WDFY2: variants seen among roughly 807,000 people sequenced by gnomAD.
WDFY2 encodes the protein WD repeat and FYVE domain-containing protein 2.
Under a neutral mutation model 56.4 loss-of-function variants are expected in WDFY2, and 36 were observed. The observed-to-expected ratio is 0.64, with a 90% CI of 0.49 to 0.84. The LOEUF is 0.84. Ranked by LOEUF, WDFY2 falls within the 40% of genes least tolerant of loss-of-function variation. The pLI is 0.00. For synonymous variants in WDFY2, 176 were observed against 183.7 expected (o/e 0.96, Z 0.34); for missense variants, 444 against 512.2 (o/e 0.87, Z 1.29).
rs547262539 is a variant in WDFY2, at chr13:51,694,914, C to T, written c.280-8682C>T. 1.4e-3 allele frequency among the ~76,000 whole-genome samples: 215 copies of T among 151,338 alleles called. 1 individual carries two copies. The highest frequency in any genetic ancestry group is 3.8e-3 in the African/African-American group (157 of 40,794). On this transcript the variant is annotated intron_variant, in intron 3 of 11. Transcript: ENST00000298125. Reference sequence around the variant, plus strand: ...TCTTTTTTCTCTAAACTTCCCTTCTCACTTCATTTCATTCATTTGATCTTC... The same window carrying T: ...TCTTTTTTCTCTAAACTTCCCTTCTTACTTCATTTCATTCATTTGATCTTC...
intron 4 of WDFY2, among the ~76,000 whole-genome samples, chr13:51,705,609 T>C (rs892800785): frequency 6.6e-6 from 1 of 151,904 alleles, no homozygotes; most frequent in Non-Finnish European, 1.5e-5. Flanking sequence ...GGGTAGATAG[T>C]AGGTATATAT....
chr13:51,728,341 C>G (rs1337722059), intron 6 of WDFY2, among the ~76,000 whole-genome samples: 2 of 152,168 alleles, frequency 1.3e-5, no homozygotes, highest in Non-Finnish European at 2.9e-5. Flanking sequence ...TTGCTTTGCT[C>G]AGGGTCACTT....
chr13:51,673,227 T>TA (rs1955834229), intron 2 of WDFY2, among the ~76,000 whole-genome samples: 1 of 152,328 alleles, frequency 6.6e-6, no homozygotes, highest in Middle Eastern at 3.4e-3. Flanking sequence ...TGCAGTGTTG[T>TA]AAAAAAGTAT....
intron 2 of WDFY2, among the ~76,000 whole-genome samples, chr13:51,661,071 A>C (rs555825831): frequency 1.3e-5 from 2 of 152,376 alleles, no homozygotes; most frequent in South Asian, 4.1e-4. Context: ...GACATTCAGC[A>C]TTGAGCATTC....
intron 1 of WDFY2, among the ~76,000 whole-genome samples, chr13:51,650,482 G>C (rs1262851073): frequency 1.3e-5 from 2 of 152,170 alleles, no homozygotes; most frequent in Non-Finnish European, 2.9e-5. Flanking sequence ...GGGCATTCCT[G>C]TCTTGTGCAA....
intron 6 of WDFY2, among the ~76,000 whole-genome samples, chr13:51,735,291 A>G (rs562015570): frequency 1.3e-5 from 2 of 152,358 alleles, no homozygotes; most frequent in East Asian, 3.9e-4. Context: ...CACCTCCTGC[A>G]TACCAGTCAC....
chr13:51,657,737 C>A (rs1295881135), intron 1 of WDFY2, among the ~76,000 whole-genome samples: 1 of 152,150 alleles, frequency 6.6e-6, no homozygotes. Context: ...TGCTGTTGAG[C>A]CTCATTATGG....
At chr13:51,681,381 G>A (rs1448504434) in intron 3 of WDFY2, among the ~76,000 whole-genome samples, 3 of 152,104 alleles carry the variant, frequency 2.0e-5, no homozygotes, top group African/African-American at 4.8e-5. Context: ...TTATCATGTG[G>A]GCATAGAAGG....
At chr13:51,735,411 G>A (rs1341591460) in intron 6 of WDFY2, among the ~76,000 whole-genome samples, 3 of 152,154 alleles carry the variant, frequency 2.0e-5, no homozygotes, top group African/African-American at 7.2e-5. Context: ...ATAGAGATAT[G>A]CACAGAGACT....
At chr13:51,604,865 C>T (rs1954355635) in intron 1 of WDFY2, among the ~76,000 whole-genome samples, 1 of 152,112 alleles carries the variant, frequency 6.6e-6, no homozygotes, top group South Asian at 2.1e-4. Flanking sequence ...CAGGAGGGCA[C>T]ATTGAGAAGG....
intron 3 of WDFY2, among the ~76,000 whole-genome samples, chr13:51,694,249 C>T (rs1019830208): frequency 3.9e-5 from 6 of 151,926 alleles, no homozygotes. Flanking sequence ...GTTATTTTGC[C>T]CGTTACTTGA....
intron 3 of WDFY2, among the ~76,000 whole-genome samples, chr13:51,695,381 T>C (rs1014937260): frequency 6.6e-6 from 1 of 152,200 alleles, no homozygotes; most frequent in African/African-American, 2.4e-5. Context: ...CCTTTCTGTT[T>C]GTTAGTTTTC....
intron 4 of WDFY2, among the ~76,000 whole-genome samples, chr13:51,709,108 G>T (rs1200318612): frequency 2.0e-5 from 3 of 152,098 alleles, no homozygotes. Context: ...GAATAAGTAG[G>T]CAGAGAATCA....
chr13:51,734,997 G>C (rs2138675196), intron 6 of WDFY2, among the ~76,000 whole-genome samples: 1 of 152,358 alleles, frequency 6.6e-6, no homozygotes. Flanking sequence ...GGAATGCAGG[G>C]TAGCTGAAGG....
At chr13:51,682,384 C>G (rs1398210219) in intron 3 of WDFY2, among the ~76,000 whole-genome samples, 1 of 152,198 alleles carries the variant, frequency 6.6e-6, no homozygotes, top group African/African-American at 2.4e-5. Context: ...AGCATAAACT[C>G]TGCAAAGCAG....
Position 51,758,259 on chromosome 13 carries a change from A to G in WDFY2, c.1132A>G (p.Arg378Gly), listed in dbSNP as rs916615818. 1 of 1,602,740 alleles carries G rather than the reference A, an allele frequency of 6.2e-7. No homozygotes were observed. The highest frequency in any genetic ancestry group is 1.3e-5 in the African/African-American group (1 of 74,914). ...TGTGCATGTGCATTTCGATGCAACC[A>G]GAGGATGGTTACTGACTTCTGGAAC... is the stretch of plus-strand genomic sequence containing the variant. ...NIVHVHFDAT[R>G]GWLLTSGTDK... The change falls in exon 11 of 12, where the codon AGA (arginine) becomes GGA (glycine). Residue 378 changes from arginine (R) to glycine (G), a missense_variant. Physicochemically the swap from Arg to Gly is moderately radical, Grantham distance 125. Coordinates refer to ENST00000298125, the MANE Select transcript of WDFY2 (RefSeq NM_052950.4).
chr13:51,626,575 A>C (rs2060805844), intron 1 of WDFY2, among the ~76,000 whole-genome samples: 1 of 152,238 alleles, frequency 6.6e-6, no homozygotes, highest in African/African-American at 2.4e-5. Context: ...TTTGTATATC[A>C]AATATAATTA....
At chr13:51,692,973 T>G (rs1951777882) in intron 3 of WDFY2, among the ~76,000 whole-genome samples, 1 of 152,258 alleles carries the variant, frequency 6.6e-6, no homozygotes, top group Non-Finnish European at 1.5e-5. Flanking sequence ...TTTTCTAGTT[T>G]ATTTGTGTAG....
At chr13:51,700,325 A>T (rs1213261889) in intron 3 of WDFY2, among the ~76,000 whole-genome samples, 1 of 152,210 alleles carries the variant, frequency 6.6e-6, no homozygotes, top group Admixed American at 6.5e-5. Context: ...GAAGGATAGA[A>T]ATAATAAAAA....
Sources: allele counts gnomAD v4.1 joint callset (sites outside exome capture counted in the v4.1 genomes callset), GRCh38; gene constraint gnomAD v4.1.1; transcripts MANE v1.5; gene names NCBI Gene and HGNC (gene_info 2026-07-23, HGNC 2026-07-21).